The following TRAPPC9 variants were observed in gnomAD, a reference collection of about 807,000 sequenced individuals.
The protein encoded by TRAPPC9 is IKK2 binding protein.
In TRAPPC9, 83 loss-of-function variants were observed where a neutral mutation model predicts 124.0. The ratio of observed to expected loss-of-function variants is 0.67; its 90% CI spans 0.56 to 0.80. TRAPPC9 has a LOEUF of 0.80. Among genes scored for constraint, TRAPPC9 ranks in the 30% least tolerant of loss-of-function variants. TRAPPC9 has a pLI of 0.00. For missense variants in TRAPPC9, 1,302 were observed against 1,508.3 expected, an observed-to-expected ratio of 0.86 and a Z score of 2.27; for synonymous variants, 638 against 617.5, an observed-to-expected ratio of 1.03 and a Z score of -0.49.
rs1203277846 is a variant in TRAPPC9, at chr8:139,885,789, G to A, written c.3055+90C>T. The A allele has an allele frequency of 4.6e-6, 6 of 1,301,762 alleles. No individual in the cohort carries two copies. In the African/African-American group the frequency reaches 7.3e-5, roughly 16 times the overall value. 80.6% of individuals were successfully genotyped at this position (1,301,762 alleles called of 1,614,324 possible). On this transcript the variant is annotated intron_variant, in intron 21 of 22. Transcript: ENST00000438773. ...TTCAGTACCCACCAACATTTGGGGTGCCCAGCCACACCCCCCAAGACCTTG... is the reference window on the plus strand; with the variant it reads ...TTCAGTACCCACCAACATTTGGGGTACCCAGCCACACCCCCCAAGACCTTG...
chr8:139,803,418 C>T (rs1324255755), intron 21 of TRAPPC9, among the ~76,000 whole-genome samples: 1 of 152,220 alleles, frequency 6.6e-6, no homozygotes, highest in African/African-American at 2.4e-5. Context: ...TCTGATGAAC[C>T]ACACACAGTG....
chr8:139,798,467 T>G (rs1563821848), intron 21 of TRAPPC9, among the ~76,000 whole-genome samples: 1 of 152,208 alleles, frequency 6.6e-6, no homozygotes, highest in African/African-American at 2.4e-5. Context: ...GGGGTTGATG[T>G]GTAACCCAGG....
chr8:140,163,223 C>A (rs1440836068), intron 17 of TRAPPC9, among the ~76,000 whole-genome samples: 1 of 152,152 alleles, frequency 6.6e-6, no homozygotes, highest in Non-Finnish European at 1.5e-5. Flanking sequence ...GCCATCAACC[C>A]TCAGCTCCAG....
At chr8:140,215,949 G>A (rs1056023564) in intron 17 of TRAPPC9, 1 of 152,186 alleles carries the variant, frequency 6.6e-6, no homozygotes, top group Non-Finnish European at 1.5e-5. Context: ...AGGCAGCAAT[G>A]AGACAGAGAA....
At chr8:140,456,798 C>G in intron 1 of TRAPPC9, 5 of 985,468 alleles carry the variant, frequency 5.1e-6, no homozygotes, top group Non-Finnish European at 6.0e-6. Context: ...CTCCCCCATA[C>G]CTTTCAACTG....
Position 139,907,650 on chromosome 8 carries a change from C to T in TRAPPC9, c.2964+2497G>A, listed in dbSNP as rs1195248689. Among the ~76,000 whole-genome samples, 3 of 152,120 alleles carry T rather than the reference C, an allele frequency of 2.0e-5. No homozygotes were observed. Among genetic ancestry groups the T allele is most frequent in the Non-Finnish European group, 1.5e-5 (1 of 68,018 alleles). On this transcript the variant is annotated intron_variant, in intron 20 of 22. Transcript: ENST00000438773. This position sits in a 1 kb window ranked among gnomAD's most constrained non-coding sequence, Gnocchi z 4.7. ...TTGCCTATAGGGACAATCAAGCTCTCATAAACTTCCGATCAGTAAATGTAT... is the reference window on the plus strand; with the variant it reads ...TTGCCTATAGGGACAATCAAGCTCTTATAAACTTCCGATCAGTAAATGTAT...
At chr8:140,407,532 G>A (rs2069537229) in intron 5 of TRAPPC9, among the ~76,000 whole-genome samples, 1 of 152,094 alleles carries the variant, frequency 6.6e-6, no homozygotes, top group South Asian at 2.1e-4. Flanking sequence ...CCCCGACGGA[G>A]AAGGAACAAG....
chr8:140,220,323 T>C (rs1343340455), intron 17 of TRAPPC9, among the ~76,000 whole-genome samples: 2 of 152,196 alleles, frequency 1.3e-5, no homozygotes, highest in Admixed American at 6.5e-5. Context: ...GGTAGCTCCG[T>C]GCATGTGCCG....
intron 17 of TRAPPC9, among the ~76,000 whole-genome samples, chr8:140,137,591 C>A (rs558514358): frequency 6.6e-6 from 1 of 152,358 alleles, no homozygotes; most frequent in African/African-American, 2.4e-5. Flanking sequence ...GCGGCAGGAT[C>A]TCCCACACCA....
At position 139,742,267 on chromosome 8, in the gene TRAPPC9, C is replaced by T. The variant is rs988708690; in HGVS notation, c.3056-10065G>A. ...GTGCGTTCTCCCGATCTACCCCCAA[C>T]CGGCCATGCTGCCGGCGCTCACTGC... On this transcript the variant is annotated intron_variant, in intron 21 of 22. Transcript: ENST00000438773. The surrounding 1 kb of genome is among the most constrained non-coding windows in gnomAD (Gnocchi z 4.7). Among the ~76,000 whole-genome samples, 5 of 152,218 alleles carry T rather than the reference C, an allele frequency of 3.3e-5. No individual in the cohort carries two copies. The highest frequency in any genetic ancestry group is 5.9e-5 in the Non-Finnish European group (4 of 68,042).
chr8:140,146,864 C>CAAAA (rs11460861), intron 17 of TRAPPC9, among the ~76,000 whole-genome samples: 1 of 125,194 alleles, frequency 8.0e-6, no homozygotes, highest in African/African-American at 2.7e-5. Flanking sequence ...GTTTTCTAAC[C>CAAAA]AAAAAAAAAA....
chr8:139,869,058 A>C (rs1433432032), intron 21 of TRAPPC9, among the ~76,000 whole-genome samples: 1 of 152,212 alleles, frequency 6.6e-6, no homozygotes, highest in East Asian at 1.9e-4. Context: ...AATTACAAAC[A>C]CAAAAAGCCA....
chr8:139,968,840 G>A (rs756830294), intron 19 of TRAPPC9, among the ~76,000 whole-genome samples: 11 of 152,052 alleles, frequency 7.2e-5, no homozygotes, highest in African/African-American at 9.7e-5. Context: ...TCACTGACCC[G>A]AGATTACACC....
At chr8:140,254,074 G>T (rs1490229989) in intron 15 of TRAPPC9, among the ~76,000 whole-genome samples, 1 of 152,158 alleles carries the variant, frequency 6.6e-6, no homozygotes, top group Non-Finnish European at 1.5e-5. Flanking sequence ...TGAAGTAGCT[G>T]CGTCTCTCCA....
intron 17 of TRAPPC9, among the ~76,000 whole-genome samples, chr8:140,132,797 G>GAGGAGC (rs1208767566): frequency 2.6e-5 from 4 of 152,158 alleles, no homozygotes; most frequent in Middle Eastern, 3.4e-3. Flanking sequence ...CAAGTCGGAG[G>GAGGAGC]AGGAGGAGGA....
At chr8:139,789,204 C>T (rs1403889857) in intron 21 of TRAPPC9, among the ~76,000 whole-genome samples, 2 of 146,926 alleles carry the variant, frequency 1.4e-5, no homozygotes, top group Admixed American at 6.6e-5. Context: ...GGGAGACCCA[C>T]GCCTGCCTCG....
At chr8:139,834,763 C>T (rs867042119) in intron 21 of TRAPPC9, among the ~76,000 whole-genome samples, 5 of 152,286 alleles carry the variant, frequency 3.3e-5, no homozygotes, top group Middle Eastern at 3.4e-3. Context: ...TCCAAGTTCA[C>T]GAGAGGGATC....
intron 17 of TRAPPC9, among the ~76,000 whole-genome samples, chr8:140,064,145 C>A (rs146946521): frequency 6.6e-6 from 1 of 152,156 alleles, no homozygotes; most frequent in Admixed American, 6.5e-5. Context: ...TCGACTGTTA[C>A]ACTTGGCAGG....
At chr8:140,037,739 A>C (rs927645860) in intron 17 of TRAPPC9, among the ~76,000 whole-genome samples, 17 of 148,006 alleles carry the variant, frequency 1.1e-4, no homozygotes, top group African/African-American at 3.5e-4. Flanking sequence ...TACACACCCC[A>C]CACACACACA....
Sources: gnomAD v4.1 joint callset for allele counts (sites outside exome capture counted in the v4.1 genomes callset) on GRCh38, gnomAD v4.1.1 for gene constraint, Gnocchi (gnomAD v3.1) non-coding constraint, MANE v1.5 for transcripts, NCBI Gene and HGNC (gene_info 2026-07-23, HGNC 2026-07-21) for gene names.